Variants in SUV39H2 observed in about 807,000 individuals in gnomAD.
The protein encoded by SUV39H2 is histone-lysine N-methyltransferase SUV39H2.
A neutral mutation model predicts 47.5 loss-of-function variants in SUV39H2; 10 were observed. The ratio of observed to expected loss-of-function variants is 0.21; its 90% CI spans 0.13 to 0.36. The LOEUF is 0.36. Among genes scored for constraint, SUV39H2 ranks in the 10% least tolerant of loss-of-function variants. The pLI is 1.00. For missense variants in SUV39H2, 266 were observed against 487.4 expected (o/e 0.55, Z 4.28); for synonymous variants, 159 against 166.8 (o/e 0.95, Z 0.36).
intron 2 of SUV39H2, among the ~76,000 whole-genome samples, chr10:14,882,610 G>A (rs1049463899): frequency 2.0e-5 from 3 of 152,152 alleles, no homozygotes; most frequent in South Asian, 2.1e-4. Context: ...ACACTGCTCA[G>A]TTCTACCTGA....
intron 3 of SUV39H2, chr10:14,898,198 GTTTC>G (rs1833728762): frequency 1.6e-5 from 1 of 64,396 alleles, no homozygotes; most frequent in Non-Finnish European, 2.9e-5. Flanking sequence ...AGGTAGTACT[GTTTC>G]TTTTTTTTTT....
At position 14,881,391 on chromosome 10, in the gene SUV39H2, A is replaced by G. The variant is rs550449751; in HGVS notation, c.32-109A>G. The G allele has an allele frequency of 7.2e-5, 66 of 919,612 alleles. 1 individual carries two copies. In the South Asian group the frequency reaches 2.8e-3, roughly 38 times the overall value. The allele number at this position is 919,612 out of a possible 1,614,324, so 57.0% of individuals were successfully genotyped here. On this transcript the variant is annotated intron_variant, in intron 1 of 5. Coordinates refer to ENST00000354919, the MANE Select transcript of SUV39H2 (RefSeq NM_001193424.2). ...CTGGTTTCTTGTCATAGGAATTTTT[A>G]GTCTAAAATTGCCAGTTGAAAGATG... is the stretch of plus-strand genomic sequence containing the variant.
At chr10:14,896,104 A>C (rs1034560205) in intron 2 of SUV39H2, among the ~76,000 whole-genome samples, 3 of 151,964 alleles carry the variant, frequency 2.0e-5, no homozygotes, top group Non-Finnish European at 4.4e-5. Context: ...CACCACACCC[A>C]GCTAATTTTT....
chr10:14,899,325 A>T, intron 3 of SUV39H2: 1 of 692,290 alleles, frequency 1.4e-6, no homozygotes, highest in Non-Finnish European at 2.6e-6. Flanking sequence ...GTTTAAAAAA[A>T]AAAGGTCATC....
Position 14,895,089 on chromosome 10 carries a change from A to T in SUV39H2, c.178-1757A>T, listed in dbSNP as rs146107390. Reference sequence around the variant, plus strand: ...ACCCTTGGGCATGTGGCTATATATTATTCCAGAAGAAAAAAAAAATTACTG... The same window carrying T: ...ACCCTTGGGCATGTGGCTATATATTTTTCCAGAAGAAAAAAAAAATTACTG... On this transcript the variant is annotated intron_variant, in intron 2 of 5. Transcript: ENST00000354919. Among the ~76,000 whole-genome samples the T allele has an allele frequency of 2.2e-3, 338 of 152,114 alleles. 2 individuals are homozygous for T. The highest frequency in any genetic ancestry group is 7.7e-3 in the African/African-American group (320 of 41,524).
intron 2 of SUV39H2, among the ~76,000 whole-genome samples, chr10:14,893,579 G>A (rs1015562521): frequency 5.3e-5 from 8 of 152,174 alleles, no homozygotes. Flanking sequence ...TATTCTTAAA[G>A]TGGTTTTCTG....
At chr10:14,892,386 T>C (rs1242053327) in intron 2 of SUV39H2, among the ~76,000 whole-genome samples, 1 of 152,224 alleles carries the variant, frequency 6.6e-6, no homozygotes, top group African/African-American at 2.4e-5. Flanking sequence ...AAATTTGTTC[T>C]TGCCTTACCA....
intron 2 of SUV39H2, among the ~76,000 whole-genome samples, chr10:14,888,089 C>G (rs190429086): frequency 5.2e-4 from 79 of 152,284 alleles, no homozygotes; most frequent in African/African-American, 1.7e-3. Context: ...TGGACTTCCT[C>G]TTAAGGGCGT....
chr10:14,885,198 C>T (rs1215072489), intron 2 of SUV39H2, among the ~76,000 whole-genome samples: 2 of 152,110 alleles, frequency 1.3e-5, no homozygotes, highest in African/African-American at 2.4e-5. Context: ...AGGCCTTGAG[C>T]CCTTTCTGGG....
Position 14,883,934 on chromosome 10 carries a change from T to C in SUV39H2, c.177+2289T>C, listed in dbSNP as rs573527106. 2.6e-3 allele frequency among the ~76,000 whole-genome samples: 389 copies of C among 152,296 alleles called. 1 individual carries two copies. Among genetic ancestry groups the C allele is most frequent in the African/African-American group, 8.7e-3 (363 of 41,562 alleles). On this transcript the variant is annotated intron_variant, in intron 2 of 5. Transcript: ENST00000354919. ...ATTTCATATAAAAGGAATCATACCA[T>C]ATGTGGTCCTTTGTGATTGGCCCCT...
intron 2 of SUV39H2, among the ~76,000 whole-genome samples, chr10:14,888,577 A>G (rs560519600): frequency 7.2e-5 from 11 of 152,032 alleles, no homozygotes; most frequent in Non-Finnish European, 1.6e-4. Context: ...CGGAGGTTGC[A>G]GTGAGCCGAG....
intron 2 of SUV39H2, among the ~76,000 whole-genome samples, chr10:14,891,810 G>A (rs891591409): frequency 6.6e-6 from 1 of 152,176 alleles, no homozygotes; most frequent in African/African-American, 2.4e-5. Context: ...CATCCGGTAG[G>A]CTATTGGATA....
In SUV39H2 at chr10:14,897,030, C is replaced by T. The variant is rs748526474; in HGVS notation, c.362C>T (p.Pro121Leu). 5.6e-6 allele frequency: 9 copies of T among 1,614,004 alleles called. No homozygotes were observed. The highest frequency in any genetic ancestry group is 7.6e-6 in the Non-Finnish European group (9 of 1,179,996). Residue 121 changes from proline to leucine, a missense_variant, in exon 3 of 6, where the codon CCT (proline) becomes CTT (leucine). Pro to Leu is a moderately conservative substitution (Grantham distance 98). Coordinates refer to ENST00000354919, the MANE Select transcript of SUV39H2 (RefSeq NM_001193424.2). ...TPKDNNKTLKPAIAEYIVKKA... is the reference protein window; with the variant it reads ...TPKDNNKTLKLAIAEYIVKKA... ...AAAGACAATAACAAAACTTTGAAAC[C>T]TGCCATTGCTGAGTACATTGTGAAG...
At chr10:14,898,727 C>G (rs565577060) in intron 3 of SUV39H2, 1 of 152,574 alleles carries the variant, frequency 6.6e-6, no homozygotes, top group Non-Finnish European at 1.5e-5. Context: ...TTCTTAAGAG[C>G]AGAACTGTAG....
At chr10:14,890,009 T>C (rs866243462) in intron 2 of SUV39H2, among the ~76,000 whole-genome samples, 19 of 152,346 alleles carry the variant, frequency 1.2e-4, no homozygotes, top group African/African-American at 4.3e-4. Context: ...GCAACAAATA[T>C]TGCCTATAGC....
intron 4 of SUV39H2, 116 bp from the exon 5 acceptor site, chr10:14,901,017 C>G (rs1175190579): frequency 4.3e-6 from 6 of 1,384,314 alleles, no homozygotes; most frequent in Non-Finnish European, 5.9e-6. Context: ...CAATAAGCAA[C>G]TTAATTTCCA....
In SUV39H2 at chr10:14,879,163, G is replaced by A. The variant is rs1832963805; in HGVS notation, c.31+244G>A. 6 of 1,199,860 alleles carry A rather than the reference G, an allele frequency of 5.0e-6. No homozygotes were observed. The South Asian group carries it at 2.3e-4, about 46-fold the overall frequency. 74.3% of individuals were successfully genotyped at this position (1,199,860 alleles called of 1,614,324 possible). A position where few individuals can be genotyped will look rare whatever the true frequency, so the allele number is the denominator to read the frequency against. On this transcript the variant is annotated intron_variant, in intron 1 of 5. Transcript: ENST00000354919. ...TCCGAGCCTGGGGCACTTCGGAAGTGGAGCGTGGCCTCTCCGCCCGCTCGG... is the reference window on the plus strand; with the variant it reads ...TCCGAGCCTGGGGCACTTCGGAAGTAGAGCGTGGCCTCTCCGCCCGCTCGG...
chr10:14,896,791 G>A, intron 2 of SUV39H2, 55 bp from the exon 3 acceptor site: 2 of 1,423,982 alleles, frequency 1.4e-6, no homozygotes, highest in Non-Finnish European at 1.9e-6. Flanking sequence ...ATTATTTTTG[G>A]TAAAACTGGG....
At chr10:14,889,574 G>C (rs1209400916) in intron 2 of SUV39H2, among the ~76,000 whole-genome samples, 11 of 152,174 alleles carry the variant, frequency 7.2e-5, no homozygotes. Context: ...CTTATCTCTA[G>C]CTCCATGGCC....
Sources: gnomAD v4.1 joint callset for allele counts (sites outside exome capture counted in the v4.1 genomes callset) on GRCh38, gnomAD v4.1.1 for gene constraint, MANE v1.5 for transcripts, NCBI Gene and HGNC (gene_info 2026-07-23, HGNC 2026-07-21) for gene names.